RBM6: variants seen among roughly 807,000 people sequenced by gnomAD.
RBM6 encodes RNA-binding protein 6.
In RBM6, 23 loss-of-function variants were observed where a neutral mutation model predicts 140.4. That is an observed-to-expected ratio of 0.16 (90% CI 0.12 to 0.23). The LOEUF (loss-of-function observed/expected upper bound fraction) is 0.23. Ranked by LOEUF, RBM6 falls within the 10% of genes least tolerant of loss-of-function variation. The probability of loss-of-function intolerance (pLI) is 1.00; values close to 1 mark genes in which losing one functional copy is unlikely to be tolerated. For synonymous variants in RBM6, 439 were observed against 475.6 expected (o/e 0.92, Z 1.00); for missense variants, 1,139 against 1,386.7 (o/e 0.82, Z 2.84).
chr3:50,058,272 T>A, intron 9 of RBM6, 130 bp from the exon 10 acceptor site: 5 of 1,103,180 alleles, frequency 4.5e-6, no homozygotes, highest in Admixed American at 4.4e-5. Context: ...TTTATTTGTT[T>A]AGCATTTTTT....
intron 6 of RBM6, among the ~76,000 whole-genome samples, chr3:50,018,048 A>G (rs1161222333): frequency 6.6e-6 from 1 of 152,208 alleles, no homozygotes; most frequent in Non-Finnish European, 1.5e-5. Flanking sequence ...ACATTGATAC[A>G]TCATTATCAA....
chr3:50,072,077 CTGT>C (rs2090318373), intron 19 of RBM6, among the ~76,000 whole-genome samples: 1 of 108,132 alleles, frequency 9.2e-6, no homozygotes, highest in Non-Finnish European at 1.8e-5. Context: ...GAGCAAGACT[CTGT>C]CTCAAAAAAA....
At chr3:49,983,727 C>T (rs1408709659) in intron 5 of RBM6, among the ~76,000 whole-genome samples, 1 of 152,110 alleles carries the variant, frequency 6.6e-6, no homozygotes, top group Non-Finnish European at 1.5e-5. Flanking sequence ...TTGATACAAC[C>T]TTCGGGGAGG....
intron 5 of RBM6, among the ~76,000 whole-genome samples, chr3:49,994,669 G>GGTGGGTGTGTGT (rs1553646033): frequency 2.0e-5 from 3 of 148,164 alleles, no homozygotes; most frequent in African/African-American, 7.5e-5. Flanking sequence ...AAGGCTGTGG[G>GGTGGGTGTGTGT]GTGTGTGTGT....
intron 6 of RBM6, among the ~76,000 whole-genome samples, chr3:50,041,557 T>G (rs994371161): frequency 3.3e-5 from 5 of 152,250 alleles, no homozygotes; most frequent in Non-Finnish European, 2.9e-5. Flanking sequence ...AAAAGTAATC[T>G]TTTATACTAA....
intron 6 of RBM6, among the ~76,000 whole-genome samples, chr3:50,031,334 A>G (rs924549167): frequency 2.0e-5 from 3 of 152,232 alleles, no homozygotes; most frequent in Non-Finnish European, 2.9e-5. Flanking sequence ...AACCAATCCA[A>G]ATGTCCATCA....
At chr3:50,004,495 T>G (rs1186148327) in intron 6 of RBM6, among the ~76,000 whole-genome samples, 1 of 145,662 alleles carries the variant, frequency 6.9e-6, no homozygotes, top group East Asian at 2.0e-4. Flanking sequence ...TTTTTTTTTG[T>G]AGAGGCAGGG....
intron 6 of RBM6, among the ~76,000 whole-genome samples, chr3:50,026,045 C>T (rs1376895406): frequency 6.6e-6 from 1 of 151,770 alleles, no homozygotes; most frequent in African/African-American, 2.4e-5. Flanking sequence ...TATCAGACCA[C>T]TATACTCCAG....
chr3:50,050,836 T>C (rs2089435948), intron 7 of RBM6, among the ~76,000 whole-genome samples: 1 of 152,144 alleles, frequency 6.6e-6, no homozygotes. Flanking sequence ...TTTTTTTTCA[T>C]GTGTTTGTTG....
rs183436882 is a variant in RBM6 at position 49,980,740 on chromosome 3, C to T, written c.1483+5348C>T. 3.9e-3 allele frequency among the ~76,000 whole-genome samples: 512 copies of T among 131,940 alleles called. 4 individuals are homozygous for T. The highest frequency in any genetic ancestry group is 0.013 in the African/African-American group (465 of 35,154). 86.6% of individuals were successfully genotyped at this position (131,940 alleles called of 152,430 possible). The stretch of plus-strand genomic sequence containing the variant: ...TCACGCCATTGCACTCCAGCCTGGG[C>T]GACAGAGCAAGAATTCATCTTAAAA... On this transcript the variant is annotated intron_variant, in intron 5 of 20. Coordinates refer to ENST00000266022, the MANE Select transcript of RBM6 (RefSeq NM_005777.3).
At chr3:50,069,342 A>C (rs972251882) in intron 18 of RBM6, among the ~76,000 whole-genome samples, 1 of 151,904 alleles carries the variant, frequency 6.6e-6, no homozygotes, top group Admixed American at 6.6e-5. Flanking sequence ...GCGAAATCCT[A>C]TCTCTACAAA....
chr3:50,060,914 A>T (rs2089912538), intron 11 of RBM6, 42 bp from the exon 12 acceptor site: 3 of 1,522,378 alleles, frequency 2.0e-6, no homozygotes, highest in African/African-American at 1.4e-5. Context: ...GTCAAATGCC[A>T]CTTGGTAGCA....
At chr3:49,940,636 C>T (rs6772095) in intron 1 of RBM6, 80,388 of 155,284 alleles carry the variant, frequency 0.52, 22,159 homozygotes, top group African/African-American at 0.68. Context: ...TAGCACGTAG[C>T]CTCGTCCTCA....
intron 17 of RBM6, among the ~76,000 whole-genome samples, chr3:50,066,769 A>G (rs2090136054): frequency 1.3e-5 from 2 of 152,166 alleles, no homozygotes; most frequent in Admixed American, 6.5e-5. Context: ...CAGAGGTTGC[A>G]GTGAGCCGAG....
intron 5 of RBM6, among the ~76,000 whole-genome samples, chr3:49,978,085 C>T (rs1410906889): frequency 6.6e-6 from 1 of 152,148 alleles, no homozygotes; most frequent in Non-Finnish European, 1.5e-5. Context: ...ACTGTAACCT[C>T]AAACCCCTCG....
intron 6 of RBM6, among the ~76,000 whole-genome samples, chr3:50,024,845 C>A (rs1222032789): frequency 6.6e-6 from 1 of 151,950 alleles, no homozygotes; most frequent in African/African-American, 2.4e-5. Context: ...CCCAGCTACT[C>A]AGGAGGCTGA....
Position 50,040,466 on chromosome 3 carries a change from AAAAAAATATAT to A in RBM6, c.1558-7777_1558-7767del, listed in dbSNP as rs1253034515. Among the ~76,000 whole-genome samples the A allele has an allele frequency of 8.5e-4, 29 of 34,192 alleles. No individual in the cohort carries two copies. The East Asian group carries it at 0.02, about 24-fold the overall frequency. The allele number at this position is 34,192 out of a possible 152,430, so 22.4% of individuals were successfully genotyped here. On this transcript the variant is annotated intron_variant, in intron 6 of 20. Transcript: ENST00000266022. ...TTCTCAAAAAAAAAAAAAAAAAAAA[AAAAAAATATAT>A]ATATATATATATATATACACACACA...
rs1314964415 is a variant in RBM6 at position 50,031,081 on chromosome 3, A to G, written c.1558-17164A>G. Among the ~76,000 whole-genome samples the G allele has an allele frequency of 2.0e-5, 3 of 152,218 alleles. No individual in the cohort carries two copies. In the East Asian group the frequency reaches 5.8e-4, roughly 29 times the overall value. ...AGTGATCAGTAAAAAGCCAGGAAACAACAGGTGCTGGAGAGGATGTGGAGA... is the reference window on the plus strand; with the variant it reads ...AGTGATCAGTAAAAAGCCAGGAAACGACAGGTGCTGGAGAGGATGTGGAGA... On this transcript the variant is annotated intron_variant, in intron 6 of 20. Transcript: ENST00000266022.
chr3:50,068,556 A>G, intron 17 of RBM6, 134 bp from the exon 18 acceptor site: 1 of 712,916 alleles, frequency 1.4e-6, no homozygotes, highest in Admixed American at 2.7e-5. Context: ...TGGTTGCAGG[A>G]TACAGTGATC....
Sources: gnomAD v4.1 joint callset for allele counts (sites outside exome capture counted in the v4.1 genomes callset) on GRCh38, gnomAD v4.1.1 for gene constraint, MANE v1.5 for transcripts, NCBI Gene and HGNC (gene_info 2026-07-23, HGNC 2026-07-21) for gene names.